Variants in CNBD1 observed in about 807,000 individuals in gnomAD.
CNBD1 encodes cyclic nucleotide binding domain containing 1, also known as cyclic nucleotide-binding domain-containing protein 1.
CNBD1 carries 71 observed loss-of-function variants against 54.4 expected under a neutral mutation model. That is an observed-to-expected ratio of 1.30 (90% CI 1.08 to 1.59). CNBD1 has a LOEUF of 1.59. CNBD1 is among the 40% of genes most tolerant of loss of function. The probability of loss-of-function intolerance (pLI) is 0.00; values close to 1 mark genes in which losing one functional copy is unlikely to be tolerated. For synonymous variants in CNBD1, 182 were observed against 170.7 expected (o/e 1.07, Z -0.51); for missense variants, 659 against 518.0 (o/e 1.27, Z -2.64).
intron 2 of CNBD1, among the ~76,000 whole-genome samples, chr8:86,889,612 T>C (rs1240924203): frequency 6.6e-6 from 1 of 152,108 alleles, no homozygotes; most frequent in Non-Finnish European, 1.5e-5. Context: ...ATAAAGGCAG[T>C]AGGTTGGTAT....
intron 2 of CNBD1, among the ~76,000 whole-genome samples, chr8:86,903,127 G>A (rs887584164): frequency 2.6e-5 from 4 of 151,896 alleles, no homozygotes; most frequent in African/African-American, 9.7e-5. Context: ...AACCTTCCAC[G>A]TATTTCACTT....
At chr8:87,384,478 A>C (rs1811145807), downstream of CNBD1, among the ~76,000 whole-genome samples, 1 of 152,090 alleles carries the variant, frequency 6.6e-6, no homozygotes. Context: ...GTTGATGGAG[A>C]AATGATATTT....
chr8:86,988,542 T>C (rs1340838845), intron 4 of CNBD1, among the ~76,000 whole-genome samples: 7 of 152,112 alleles, frequency 4.6e-5, no homozygotes, highest in Non-Finnish European at 1.0e-4. Context: ...TCCAATCCAA[T>C]TATACTGTTT....
At chr8:87,197,939 G>T (rs185632832) in intron 4 of CNBD1, among the ~76,000 whole-genome samples, 3 of 152,272 alleles carry the variant, frequency 2.0e-5, no homozygotes, top group Non-Finnish European at 4.4e-5. Flanking sequence ...TATTGCTGTA[G>T]ATCGGAGAGA....
chr8:87,425,695 T>G (rs994817136), intron 2 of CNBD1, among the ~76,000 whole-genome samples: 4 of 151,842 alleles, frequency 2.6e-5, no homozygotes, highest in African/African-American at 9.7e-5. Flanking sequence ...TCCAGCTGCG[T>G]GCTGGGAGAA....
At chr8:86,961,166 A>T (rs938174971) in intron 4 of CNBD1, among the ~76,000 whole-genome samples, 1 of 152,230 alleles carries the variant, frequency 6.6e-6, no homozygotes, top group Non-Finnish European at 1.5e-5. Flanking sequence ...ACATGTATAC[A>T]TACACAAATG....
rs181683780 is a variant in CNBD1, at chr8:87,426,983, A to G, written c.214-1563A>G. Among the ~76,000 whole-genome samples, 119 of 152,312 alleles carry G rather than the reference A, an allele frequency of 7.8e-4. No individual in the cohort carries two copies. In the Middle Eastern group the frequency reaches 0.01, roughly 13 times the overall value. On this transcript the variant is annotated intron_variant, in intron 2 of 7. Transcript: ENST00000521593. ...ATGGAGCCAACTGTTAGCTTCTTGA[A>G]TAAAATCATGTAAACTTTGGCTTGG...
At chr8:87,389,452 C>A (rs1471747328) in intron 2 of CNBD1, among the ~76,000 whole-genome samples, 3 of 152,026 alleles carry the variant, frequency 2.0e-5, no homozygotes, top group African/African-American at 7.3e-5. Flanking sequence ...TCTTATACAC[C>A]AATAACAGAC....
At chr8:87,409,350 G>T (rs1807702864) in intron 2 of CNBD1, among the ~76,000 whole-genome samples, 1 of 152,146 alleles carries the variant, frequency 6.6e-6, no homozygotes, top group Admixed American at 6.6e-5. Flanking sequence ...TATAAAGGCT[G>T]AGAGATGAGG....
At chr8:87,288,458 A>T (rs1290191000) in intron 8 of CNBD1, among the ~76,000 whole-genome samples, 1 of 152,032 alleles carries the variant, frequency 6.6e-6, no homozygotes, top group African/African-American at 2.4e-5. Context: ...GAGGAAAGAG[A>T]CCATCATAAA....
intron 4 of CNBD1, among the ~76,000 whole-genome samples, chr8:86,967,747 T>C (rs1466570270): frequency 6.6e-6 from 1 of 152,162 alleles, no homozygotes; most frequent in African/African-American, 2.4e-5. Flanking sequence ...AGATTCCTGG[T>C]CTGGTAATTC....
intron 4 of CNBD1, among the ~76,000 whole-genome samples, chr8:87,012,349 C>T (rs1809240623): frequency 6.6e-6 from 1 of 152,140 alleles, no homozygotes; most frequent in African/African-American, 2.4e-5. Context: ...GCCCCACAAA[C>T]CACAAATTCT....
At position 86,886,829 on chromosome 8, in the gene CNBD1, T is replaced by C. The variant is rs138886051; in HGVS notation, c.89-713T>C. Among the ~76,000 whole-genome samples, 1,191 of 152,288 alleles carry C rather than the reference T, an allele frequency of 7.8e-3. 14 individuals are homozygous for C. Among genetic ancestry groups the C allele is most frequent in the African/African-American group, 0.027 (1,106 of 41,544 alleles). On this transcript the variant is annotated intron_variant, in intron 1 of 10. Coordinates refer to ENST00000518476, the MANE Select transcript of CNBD1 (RefSeq NM_173538.3). ...TTTACAACAGTTCTAATAGCACTCA[T>C]TCTTCTGCAGTAAGCAGAAGCCCAT...
intron 5 of CNBD1, among the ~76,000 whole-genome samples, chr8:87,218,435 T>C (rs1199333417): frequency 6.6e-6 from 1 of 152,124 alleles, no homozygotes; most frequent in African/African-American, 2.4e-5. Flanking sequence ...CTGAATTCTA[T>C]GGCCACATAT....
intron 8 of CNBD1, among the ~76,000 whole-genome samples, chr8:87,303,798 A>G (rs1233634798): frequency 6.7e-6 from 1 of 148,860 alleles, no homozygotes; most frequent in Non-Finnish European, 1.5e-5. Flanking sequence ...AAGAAAAAAA[A>G]TAAACAACCC....
intron 8 of CNBD1, among the ~76,000 whole-genome samples, chr8:87,319,943 C>A (rs986264320): frequency 1.1e-4 from 16 of 152,026 alleles, no homozygotes; most frequent in Non-Finnish European, 2.1e-4. Flanking sequence ...TATCTTTTCC[C>A]GTCTCTTTTT....
intron 4 of CNBD1, among the ~76,000 whole-genome samples, chr8:87,012,682 CTT>C (rs1326162375): frequency 6.6e-6 from 1 of 152,208 alleles, no homozygotes; most frequent in African/African-American, 2.4e-5. Flanking sequence ...AACAATAAAA[CTT>C]GGTCTCCACA....
At chr8:87,319,439 CA>C (rs1809472608) in intron 8 of CNBD1, among the ~76,000 whole-genome samples, 2 of 152,020 alleles carry the variant, frequency 1.3e-5, no homozygotes, top group Admixed American at 1.3e-4. Flanking sequence ...ACAATACTTG[CA>C]GAAATTTTAC....
intron 8 of CNBD1, among the ~76,000 whole-genome samples, chr8:87,303,951 C>T (rs1478186911): frequency 3.3e-5 from 5 of 152,074 alleles, no homozygotes; most frequent in Admixed American, 3.3e-4. Flanking sequence ...CATCTCACAC[C>T]AGTTAGAATG....
Sources: gnomAD v4.1 joint callset for allele counts (sites outside exome capture counted in the v4.1 genomes callset) on GRCh38, gnomAD v4.1.1 for gene constraint, MANE v1.5 for transcripts, NCBI Gene and HGNC (gene_info 2026-07-23, HGNC 2026-07-21) for gene names.